Variants in PLCB1 observed in about 807,000 individuals in gnomAD.
The protein encoded by PLCB1 is 1-phosphatidylinositol 4,5-bisphosphate phosphodiesterase beta-1.
PLCB1 carries 46 observed loss-of-function variants against 161.8 expected under a neutral mutation model. The ratio of observed to expected loss-of-function variants is 0.28; its 90% CI spans 0.22 to 0.36. The LOEUF is 0.36. Ranked by LOEUF, PLCB1 falls within the 10% of genes least tolerant of loss-of-function variation. PLCB1 has a pLI of 1.00. For synonymous variants in PLCB1, 517 were observed against 503.7 expected (o/e 1.03, Z -0.35); for missense variants, 1,016 against 1,472.5 (o/e 0.69, Z 5.07).
At chr20:8,278,113 T>C (rs1021266138) in intron 2 of PLCB1, among the ~76,000 whole-genome samples, 2 of 151,854 alleles carry the variant, frequency 1.3e-5, no homozygotes, top group African/African-American at 4.8e-5. Flanking sequence ...CAATAAAATA[T>C]TATACAGCTA....
chr20:8,274,033 A>T (rs147160655), intron 2 of PLCB1, among the ~76,000 whole-genome samples: 155 of 152,356 alleles, frequency 1.0e-3, no homozygotes, highest in African/African-American at 3.4e-3. Context: ...AATTAGTAGA[A>T]GTGATGAATG....
At chr20:8,353,085 A>G (rs78352863) in intron 2 of PLCB1, among the ~76,000 whole-genome samples, 19 of 152,168 alleles carry the variant, frequency 1.2e-4, no homozygotes, top group African/African-American at 2.6e-4. Flanking sequence ...AATAAAAGGA[A>G]CTAGGGCTCT....
intron 31 of PLCB1, among the ~76,000 whole-genome samples, chr20:8,833,583 G>T (rs1375146885): frequency 6.6e-6 from 1 of 152,204 alleles, no homozygotes; most frequent in Non-Finnish European, 1.5e-5. Flanking sequence ...CAGAGGCAGA[G>T]ATTGGAGTGG....
chr20:8,810,012 T>C (rs1984734630), intron 31 of PLCB1, among the ~76,000 whole-genome samples: 1 of 152,186 alleles, frequency 6.6e-6, no homozygotes, highest in Non-Finnish European at 1.5e-5. Flanking sequence ...CCACTTTTTT[T>C]CCTCTAAAAG....
At chr20:8,486,728 C>CTCA (rs1313792779) in intron 3 of PLCB1, among the ~76,000 whole-genome samples, 1 of 151,766 alleles carries the variant, frequency 6.6e-6, no homozygotes, top group East Asian at 1.9e-4. Context: ...ATCTCCTGAC[C>CTCA]TCATGATCCA....
At chr20:8,620,338 A>G (rs544892254) in intron 3 of PLCB1, among the ~76,000 whole-genome samples, 23 of 152,264 alleles carry the variant, frequency 1.5e-4, no homozygotes, top group African/African-American at 5.3e-4. Flanking sequence ...GGACACTACT[A>G]TTATCCTCAT....
intron 2 of PLCB1, among the ~76,000 whole-genome samples, chr20:8,252,114 A>G (rs1981173266): frequency 6.6e-6 from 1 of 151,980 alleles, no homozygotes; most frequent in African/African-American, 2.4e-5. Flanking sequence ...TACATCTATC[A>G]TAGACTGGAT....
intron 2 of PLCB1, among the ~76,000 whole-genome samples, chr20:8,317,519 C>G (rs1304653387): frequency 6.6e-6 from 1 of 151,984 alleles, no homozygotes; most frequent in Non-Finnish European, 1.5e-5. Context: ...TTTACACCCC[C>G]CCATCCCCCC....
chr20:8,155,206 G>T (rs2051546820), intron 2 of PLCB1, among the ~76,000 whole-genome samples: 1 of 152,002 alleles, frequency 6.6e-6, no homozygotes, highest in Non-Finnish European at 1.5e-5. Flanking sequence ...CTTACTTTGT[G>T]GTTCAAAATT....
intron 3 of PLCB1, among the ~76,000 whole-genome samples, chr20:8,388,735 CAACTT>C (rs1987504296): frequency 6.6e-6 from 1 of 152,050 alleles, no homozygotes; most frequent in South Asian, 2.1e-4. Context: ...ATAGGGCTAA[CAACTT>C]ATTGAATGAT....
rs775853202 is a variant in PLCB1 at position 8,132,760 on chromosome 20, G to A, written c.99+10G>A. 2 of 1,595,388 alleles carry A rather than the reference G, an allele frequency of 1.3e-6. No homozygotes were observed. The highest frequency in any genetic ancestry group is 3.3e-5 in the Admixed American group (2 of 59,768). On this transcript the variant is annotated intron_variant, in intron 1 of 31. Coordinates refer to ENST00000338037, the MANE Select transcript of PLCB1 (RefSeq NM_015192.4). This position sits in a 1 kb window ranked among gnomAD's most constrained non-coding sequence, Gnocchi z 5.2. Reference sequence around the variant, plus strand: ...CGTCAAGTGGGATGATGTAAGTATTGGGGCGGCCCGAGTCGGGGCGCTGGC... The same window carrying A: ...CGTCAAGTGGGATGATGTAAGTATTAGGGCGGCCCGAGTCGGGGCGCTGGC...
chr20:8,660,995 C>A lies in PLCB1; in HGVS notation c.862+2291C>A, dbSNP rs148688405. On this transcript the variant is annotated intron_variant, in intron 9 of 31. Transcript: ENST00000338037. ...TAAGGACAGAAGAATTCTTGATACG[C>A]TTTTCATAGATTTGAATTAAATAAT... 2.3e-3 allele frequency among the ~76,000 whole-genome samples: 351 copies of A among 152,218 alleles called. 1 individual carries two copies. The highest frequency in any genetic ancestry group is 7.8e-3 in the African/African-American group (325 of 41,544).
chr20:8,360,474 G>A (rs562420812), intron 2 of PLCB1, among the ~76,000 whole-genome samples: 2 of 152,210 alleles, frequency 1.3e-5, no homozygotes, highest in South Asian at 4.2e-4. Context: ...TGAACAGCTA[G>A]CTTCGTTTTG....
intron 3 of PLCB1, among the ~76,000 whole-genome samples, chr20:8,615,099 G>A (rs1185111098): frequency 6.6e-6 from 1 of 152,072 alleles, no homozygotes; most frequent in African/African-American, 2.4e-5. Context: ...ATGACAATAT[G>A]TACATGTTTT....
intron 3 of PLCB1, among the ~76,000 whole-genome samples, chr20:8,620,484 A>G (rs1270987948): frequency 6.6e-6 from 1 of 152,070 alleles, no homozygotes; most frequent in Non-Finnish European, 1.5e-5. Flanking sequence ...TCACACTTGC[A>G]ATCCTAGCAT....
chr20:8,197,189 T>A (rs899234998), intron 2 of PLCB1, among the ~76,000 whole-genome samples: 4 of 152,182 alleles, frequency 2.6e-5, no homozygotes, highest in Non-Finnish European at 5.9e-5. Flanking sequence ...TACCCAGTAA[T>A]GGGATGGCTG....
At chr20:8,364,018 C>A (rs1047533528) in intron 2 of PLCB1, among the ~76,000 whole-genome samples, 2 of 152,076 alleles carry the variant, frequency 1.3e-5, no homozygotes, top group Non-Finnish European at 2.9e-5. Context: ...GACTTTGCCA[C>A]CTTTAGTGTG....
intron 31 of PLCB1, among the ~76,000 whole-genome samples, chr20:8,873,642 T>C (rs1987681404): frequency 6.6e-6 from 1 of 152,136 alleles, no homozygotes; most frequent in African/African-American, 2.4e-5. Context: ...AAAGTCGTTT[T>C]GTATTCTTTA....
chr20:8,216,131 A>G (rs1979109895), intron 2 of PLCB1, among the ~76,000 whole-genome samples: 2 of 152,110 alleles, frequency 1.3e-5, no homozygotes. Flanking sequence ...GAAAAATTGG[A>G]AGGCTCTCAC....
Sources: allele counts gnomAD v4.1 joint callset (sites outside exome capture counted in the v4.1 genomes callset), GRCh38; gene constraint gnomAD v4.1.1; non-coding constraint Gnocchi (gnomAD v3.1); transcripts MANE v1.5; gene names NCBI Gene and HGNC (gene_info 2026-07-23, HGNC 2026-07-21).